YIPF4: variants seen among roughly 807,000 people sequenced by gnomAD.
YIPF4 encodes Yip1 domain family member 4.
In YIPF4, 18 loss-of-function variants were observed where a neutral mutation model predicts 29.4. That is an observed-to-expected ratio of 0.61 (90% CI 0.42 to 0.91). YIPF4 has a LOEUF of 0.91. Ranked by LOEUF, YIPF4 falls within the 40% of genes least tolerant of loss-of-function variation. YIPF4 has a pLI of 0.00. For synonymous variants in YIPF4, 115 were observed against 104.7 expected, an observed-to-expected ratio of 1.10 and a Z score of -0.60; for missense variants, 279 against 282.7, an observed-to-expected ratio of 0.99 and a Z score of 0.09.
chr2:32,305,584 T>G lies in YIPF4; in HGVS notation c.693T>G (p.Phe231Leu). The change falls in exon 6 of 6, where the codon TTT becomes TTG. Residue 231 changes from phenylalanine to leucine, a missense_variant. Physicochemically the swap from Phe to Leu is conservative, Grantham distance 22. Coordinates refer to ENST00000238831, the MANE Select transcript of YIPF4 (RefSeq NM_032312.4). ...TKKPLLIYPI[F>L]LLYIYFLSLY... ...AGCCTCTTCTGATTTATCCAATCTT[T>G]TTATTATACATTTATTTTTTGTCGT... is the stretch of plus-strand genomic sequence containing the variant. The G allele has an allele frequency of 1.2e-6, 2 of 1,608,690 alleles. No homozygotes were observed. Among genetic ancestry groups the G allele is most frequent in the Non-Finnish European group, 1.7e-6 (2 of 1,177,594 alleles).
intron 1 of YIPF4, among the ~76,000 whole-genome samples, chr2:32,283,419 C>T (rs2030522048): frequency 6.6e-6 from 1 of 152,160 alleles, no homozygotes; most frequent in African/African-American, 2.4e-5. Flanking sequence ...TTAATGATAG[C>T]TATCCTTACT....
At chr2:32,287,501 T>C (rs1465133860) in intron 1 of YIPF4, among the ~76,000 whole-genome samples, 5 of 152,208 alleles carry the variant, frequency 3.3e-5, no homozygotes, top group African/African-American at 7.2e-5. Context: ...AAAATGTTCA[T>C]TGTTTATTGC....
intron 3 of YIPF4, among the ~76,000 whole-genome samples, chr2:32,294,761 C>T (rs1209902024): frequency 3.3e-5 from 5 of 152,260 alleles, no homozygotes; most frequent in East Asian, 1.9e-4. Flanking sequence ...CGCCACTGCA[C>T]TCCAGCCTGG....
chr2:32,311,610 A>G lies in YIPF4; in HGVS notation c.*5984A>G, dbSNP rs928996970. The stretch of plus-strand genomic sequence containing the variant: ...ATGAAAAAGAATATTTGTGTAAAAT[A>G]TTTTGAAGTTGTAATTAGTGTATAT... On this transcript the variant is annotated 3_prime_UTR_variant, in exon 6 of 6. Transcript: ENST00000238831. 1 of 152,220 alleles carries G rather than the reference A, an allele frequency of 6.6e-6. No individual in the cohort carries two copies. The highest frequency in any genetic ancestry group is 2.4e-5 in the African/African-American group (1 of 41,456). 9.4% of individuals were successfully genotyped at this position (152,220 alleles called of 1,614,324 possible).
At chr2:32,300,855 T>C (rs1324444596) in intron 4 of YIPF4, among the ~76,000 whole-genome samples, 1 of 152,226 alleles carries the variant, frequency 6.6e-6, no homozygotes, top group Non-Finnish European at 1.5e-5. Flanking sequence ...CTATATTTCA[T>C]AGGATTGTTA....
At chr2:32,298,513 C>G (rs1350461710) in intron 4 of YIPF4, among the ~76,000 whole-genome samples, 1 of 151,904 alleles carries the variant, frequency 6.6e-6, no homozygotes, top group African/African-American at 2.4e-5. Context: ...ATATCCCGTC[C>G]CATTTATGAA....
intron 3 of YIPF4, 67 bp from the exon 4 acceptor site, chr2:32,298,167 C>T (rs971840563): frequency 9.6e-6 from 12 of 1,252,944 alleles, no homozygotes; most frequent in Middle Eastern, 1.9e-4. Context: ...GGCAGAGAAT[C>T]GAGTTCCTGG....
chr2:32,292,440 T>A (rs2030958740), intron 3 of YIPF4, 92 bp downstream of exon 3: 1 of 995,824 alleles, frequency 1.0e-6, no homozygotes, highest in Admixed American at 3.7e-5. Context: ...TACCATATTA[T>A]GTTTGAGAAA....
chr2:32,289,437 G>T (rs1415485737), intron 1 of YIPF4, among the ~76,000 whole-genome samples: 1 of 152,138 alleles, frequency 6.6e-6, no homozygotes, highest in Admixed American at 6.5e-5. Context: ...AGCTAACTTT[G>T]GTATTGGTTG....
At chr2:32,286,920 A>G (rs2030700696) in intron 1 of YIPF4, among the ~76,000 whole-genome samples, 1 of 152,142 alleles carries the variant, frequency 6.6e-6, no homozygotes, top group Admixed American at 6.5e-5. Context: ...TAGTTTCTTG[A>G]TCTCTTTCAT....
intron 2 of YIPF4, 65 bp downstream of exon 2, chr2:32,290,701 T>C: frequency 1.8e-6 from 2 of 1,131,956 alleles, no homozygotes; most frequent in Non-Finnish European, 1.1e-6. Flanking sequence ...ATTATATTCT[T>C]CTTGTTATTT....
At position 32,290,520 on chromosome 2, in the gene YIPF4, A is replaced by C. The variant is rs2030864537; in HGVS notation, c.117A>C (p.Leu39Phe). ...CAATAGCATCCCCAGATGTCAAATT[A>C]AATCTTGGTGGAGATTTTATCAAAG... ...SGSIASPDVK[L>F]NLGGDFIKES... Residue 39 changes from leucine (L) to phenylalanine (F), a missense_variant, in exon 2 of 6, where the codon TTA becomes TTC. By Grantham distance (22) the Leu-to-Phe change is conservative. Transcript: ENST00000238831. 2 of 1,578,258 alleles carry C rather than the reference A, an allele frequency of 1.3e-6. No homozygotes were observed. Among genetic ancestry groups the C allele is most frequent in the Non-Finnish European group, 1.7e-6 (2 of 1,163,066 alleles).
At chr2:32,278,514 T>C (rs1049609924) in intron 1 of YIPF4, among the ~76,000 whole-genome samples, 5 of 152,254 alleles carry the variant, frequency 3.3e-5, no homozygotes, top group Admixed American at 2.0e-4. Flanking sequence ...GTCTCTTCAA[T>C]TGGACCCACA....
At chr2:32,292,429 ATACCATATTATGTTTGAGAAATG>A (rs1220912408) in intron 3 of YIPF4, 81 bp downstream of exon 3, 2 of 1,043,970 alleles carry the variant, frequency 1.9e-6, no homozygotes, top group African/African-American at 1.6e-5. Flanking sequence ...TAACTGTAAT[ATACCATATTATGTTTGAGAAATG>A]CTTTACCCAT....
In YIPF4 at chr2:32,310,610, T is replaced by A. The variant is rs2031698670; in HGVS notation, c.*4984T>A. 1 of 152,132 alleles carries A rather than the reference T, an allele frequency of 6.6e-6. No homozygotes were observed. Among genetic ancestry groups the A allele is most frequent in the Admixed American group, 6.6e-5 (1 of 15,262 alleles). The allele number at this position is 152,132 out of a possible 1,614,324, so 9.4% of individuals were successfully genotyped here. Reference sequence around the variant, plus strand: ...AAATTGTTTGTATGCCTGGGTACAGTATCATACCTGTAATCCCAGCACTTT... The same window carrying A: ...AAATTGTTTGTATGCCTGGGTACAGAATCATACCTGTAATCCCAGCACTTT... On this transcript the variant is annotated 3_prime_UTR_variant, in exon 6 of 6. Transcript: ENST00000238831.
chr2:32,302,311 G>A (rs946476736), intron 5 of YIPF4, among the ~76,000 whole-genome samples: 5 of 152,022 alleles, frequency 3.3e-5, no homozygotes, highest in Admixed American at 6.6e-5. Flanking sequence ...TTACAAGCGT[G>A]AGCCACTGCT....
rs1235940024 is a variant in YIPF4 at position 32,316,176 on chromosome 2, G to A, written c.*10550G>A. 2.0e-5 allele frequency: 3 copies of A among 152,044 alleles called. No individual in the cohort carries two copies. Among genetic ancestry groups the A allele is most frequent in the Non-Finnish European group, 4.4e-5 (3 of 68,016 alleles). The allele number at this position is 152,044 out of a possible 1,614,324, so 9.4% of individuals were successfully genotyped here. A position where few individuals can be genotyped will look rare whatever the true frequency, so the allele number is the denominator to read the frequency against. On this transcript the variant is annotated 3_prime_UTR_variant, in exon 6 of 6. Coordinates refer to ENST00000238831, the MANE Select transcript of YIPF4 (RefSeq NM_032312.4). Reference sequence around the variant, plus strand: ...GGGGAAAAATATTTGTAGGACTTATGTAGACAAAGGACTAATTTTCTTAAT... The same window carrying A: ...GGGGAAAAATATTTGTAGGACTTATATAGACAAAGGACTAATTTTCTTAAT...
chr2:32,286,454 TATA>T, intron 1 of YIPF4, among the ~76,000 whole-genome samples: 1 of 152,342 alleles, frequency 6.6e-6, no homozygotes. Context: ...AAAATTTACC[TATA>T]ATATTTGATA....
chr2:32,279,720 G>T (rs1459537414), intron 1 of YIPF4, among the ~76,000 whole-genome samples: 7 of 151,800 alleles, frequency 4.6e-5, no homozygotes, highest in Non-Finnish European at 8.8e-5. Flanking sequence ...AAAGAACCTA[G>T]ATTTTCCTAA....
Sources: gnomAD v4.1 joint callset for allele counts (sites outside exome capture counted in the v4.1 genomes callset) on GRCh38, gnomAD v4.1.1 for gene constraint, MANE v1.5 for transcripts, NCBI Gene and HGNC (gene_info 2026-07-23, HGNC 2026-07-21) for gene names.